The following SRGAP2C variants were observed in gnomAD, a reference collection of about 807,000 sequenced individuals.
SRGAP2C encodes SLIT-ROBO Rho GTPase activating protein 2C, also known as SLIT-ROBO Rho GTPase-activating protein 2C.
SRGAP2C carries 15 observed loss-of-function variants against 25.1 expected under a neutral mutation model. The observed-to-expected ratio is 0.60, with a 90% CI of 0.40 to 0.92. The LOEUF (loss-of-function observed/expected upper bound fraction) is 0.92, where lower values mean the gene tolerates loss of function less well. Ranked by LOEUF, SRGAP2C falls within the 40% of genes least tolerant of loss-of-function variation. SRGAP2C has a pLI of 0.00. For missense variants in SRGAP2C, 144 were observed against 264.4 expected (o/e 0.54, Z 3.16); for synonymous variants, 44 against 96.6 (o/e 0.46, Z 3.19).
Position 121,314,976 on chromosome 1 carries a change from A to C in SRGAP2C, c.261-9502A>C, listed in dbSNP as rs1281518860. 4.3e-4 allele frequency: 441 copies of C among 1,030,936 alleles called. 15 individuals are homozygous for C. The highest frequency in any genetic ancestry group is 3.8e-3 in the Middle Eastern group (13 of 3,384). The allele number at this position is 1,030,936 out of a possible 1,614,324, so 63.9% of individuals were successfully genotyped here. Reference sequence around the variant, plus strand: ...AGCCAGGGCTTGAAGCAGACAATCCAAGCATCCTTCTAAACTATCCTCAGT... The same window carrying C: ...AGCCAGGGCTTGAAGCAGACAATCCCAGCATCCTTCTAAACTATCCTCAGT... On this transcript the variant is annotated intron_variant, in intron 3 of 9. Coordinates refer to ENST00000367123, the MANE Select transcript of SRGAP2C (RefSeq NM_001329984.2).
At chr1:121,198,280 T>TG (rs1491407088) in intron 2 of SRGAP2C, among the ~76,000 whole-genome samples, 1 of 144,928 alleles carries the variant, frequency 6.9e-6, no homozygotes. Context: ...ATATTCTCTT[T>TG]GTTTTTTTTT....
At chr1:121,211,850 A>G (rs2101422760) in intron 2 of SRGAP2C, among the ~76,000 whole-genome samples, 1 of 122,364 alleles carries the variant, frequency 8.2e-6, no homozygotes, top group East Asian at 2.5e-4. Context: ...TCTTACAGAT[A>G]TATCTGCCTG....
intron 3 of SRGAP2C, among the ~76,000 whole-genome samples, chr1:121,314,371 A>G (rs1194530593): frequency 1.3e-5 from 2 of 151,680 alleles, no homozygotes; most frequent in African/African-American, 2.4e-5. Context: ...TTTGGTTTGA[A>G]TTTCCTCCCG....
chr1:121,289,315 GA>G (rs1219193444), intron 3 of SRGAP2C, among the ~76,000 whole-genome samples: 2 of 148,498 alleles, frequency 1.3e-5, no homozygotes, highest in African/African-American at 5.0e-5. Context: ...ACTGCTGGGG[GA>G]CTCAGTACAC....
intron 3 of SRGAP2C, among the ~76,000 whole-genome samples, chr1:121,314,401 C>T (rs1349457668): frequency 8.5e-4 from 129 of 152,226 alleles, no homozygotes; most frequent in Non-Finnish European, 9.7e-4. Flanking sequence ...GTAATTTGAT[C>T]GTCTGAAGCC....
intron 2 of SRGAP2C, among the ~76,000 whole-genome samples, chr1:121,222,185 G>A (rs1395782107): frequency 2.0e-5 from 3 of 152,168 alleles, no homozygotes; most frequent in African/African-American, 7.2e-5. Context: ...CAGAAATTAA[G>A]ATATGTGCTC....
rs1199822810 is a variant in SRGAP2C at position 121,329,078 on chromosome 1, G to A, written c.423+4438G>A. ...ACACAAAAATTAGCCAGGCAAGATG[G>A]CCAGTGCCTGTAATCCCAGCTACTC... On this transcript the variant is annotated intron_variant, in intron 4 of 9. Transcript: ENST00000367123. 2.1e-4 allele frequency among the ~76,000 whole-genome samples: 29 copies of A among 138,832 alleles called. No individual in the cohort carries two copies. The East Asian group carries it at 6.5e-3, about 31-fold the overall frequency. 91.1% of individuals were successfully genotyped at this position (138,832 alleles called of 152,430 possible).
intron 3 of SRGAP2C, among the ~76,000 whole-genome samples, chr1:121,321,847 C>CT (rs1216612501): frequency 1.3e-5 from 2 of 152,212 alleles, no homozygotes; most frequent in African/African-American, 4.8e-5. Context: ...GCTCTGCATC[C>CT]TTTCCCATGG....
At chr1:121,359,951 C>A (rs1659151584) in intron 4 of SRGAP2C, among the ~76,000 whole-genome samples, 1 of 152,110 alleles carries the variant, frequency 6.6e-6, no homozygotes, top group South Asian at 2.1e-4. Context: ...TAAAAATGCA[C>A]CAATCAGCGC....
intron 4 of SRGAP2C, among the ~76,000 whole-genome samples, chr1:121,328,937 A>G (rs1367226363): frequency 2.2e-5 from 3 of 134,466 alleles, no homozygotes; most frequent in Non-Finnish European, 3.2e-5. Flanking sequence ...GAGGGCTGGG[A>G]GTGGTGACTC....
chr1:121,218,329 CAG>C (rs1437387529), intron 2 of SRGAP2C, among the ~76,000 whole-genome samples: 3 of 25,516 alleles, frequency 1.2e-4, no homozygotes, highest in Non-Finnish European at 2.2e-4. Context: ...TCAGTTAAAA[CAG>C]AGAGTCTTTA....
At chr1:121,253,668 A>G (rs1656385514) in intron 2 of SRGAP2C, among the ~76,000 whole-genome samples, 1 of 150,204 alleles carries the variant, frequency 6.7e-6, no homozygotes, top group South Asian at 2.1e-4. Flanking sequence ...CTTGGCAGTG[A>G]CCAGCAGCTG....
chr1:121,345,659 T>C (rs1361358469), intron 4 of SRGAP2C, among the ~76,000 whole-genome samples: 1 of 132,502 alleles, frequency 7.5e-6, no homozygotes, highest in Non-Finnish European at 1.6e-5. Context: ...CTTTTTTTTT[T>C]TTTTTTTTTT....
At chr1:121,212,949 G>A (rs1655303035) in intron 2 of SRGAP2C, among the ~76,000 whole-genome samples, 1 of 135,514 alleles carries the variant, frequency 7.4e-6, no homozygotes, top group African/African-American at 2.7e-5. Context: ...AGGTATATGG[G>A]GCTAAAATCA....
chr1:121,359,684 C>A (rs587752355), intron 4 of SRGAP2C, among the ~76,000 whole-genome samples: 1 of 152,224 alleles, frequency 6.6e-6, no homozygotes, highest in Non-Finnish European at 1.5e-5. Flanking sequence ...AAGAGGATCA[C>A]GTGACAGTTG....
chr1:121,335,918 A>G lies in SRGAP2C; in HGVS notation c.423+11278A>G, dbSNP rs1206962998. On this transcript the variant is annotated intron_variant, in intron 4 of 9. Coordinates refer to ENST00000367123, the MANE Select transcript of SRGAP2C (RefSeq NM_001329984.2). Reference sequence around the variant, plus strand: ...TAGATGTACTTATCTTCCTCTGAAGAGTATGAAGTTTTATTCTAGGAGGCT... The same window carrying G: ...TAGATGTACTTATCTTCCTCTGAAGGGTATGAAGTTTTATTCTAGGAGGCT... Among the ~76,000 whole-genome samples, 6 of 152,042 alleles carry G rather than the reference A, an allele frequency of 3.9e-5. No individual in the cohort carries two copies. In the East Asian group the frequency reaches 1.2e-3, roughly 29 times the overall value.
At chr1:121,362,333 A>G (rs1272072947) in intron 4 of SRGAP2C, 1 of 147,164 alleles carries the variant, frequency 6.8e-6, no homozygotes, top group Non-Finnish European at 1.5e-5. Context: ...CTACACATGT[A>G]TTCCCAGCCC....
At chr1:121,348,240 G>A (rs1412411311) in intron 4 of SRGAP2C, among the ~76,000 whole-genome samples, 6 of 101,660 alleles carry the variant, frequency 5.9e-5, no homozygotes, top group Non-Finnish European at 1.2e-4. Context: ...CAAGACCAAA[G>A]CAAAGAACAC....
intron 3 of SRGAP2C, among the ~76,000 whole-genome samples, chr1:121,286,439 G>A (rs1309149958): frequency 1.3e-5 from 2 of 151,644 alleles, no homozygotes; most frequent in African/African-American, 2.4e-5. Flanking sequence ...TTTAATTTTT[G>A]TAGACACAGG....
Sources: gnomAD v4.1 joint callset for allele counts (sites outside exome capture counted in the v4.1 genomes callset) on GRCh38, gnomAD v4.1.1 for gene constraint, MANE v1.5 for transcripts, NCBI Gene and HGNC (gene_info 2026-07-23, HGNC 2026-07-21) for gene names.